Variants in MAD1L1 observed in about 807,000 individuals in gnomAD.
MAD1L1 encodes mitotic spindle assembly checkpoint protein MAD1.
A neutral mutation model predicts 96.9 loss-of-function variants in MAD1L1; 95 were observed. The ratio of observed to expected loss-of-function variants is 0.98; its 90% CI spans 0.83 to 1.16. The LOEUF is 1.16. Among genes scored for constraint, MAD1L1 ranks in the 50% most tolerant of loss-of-function variants. The pLI, the probability that MAD1L1 is intolerant of heterozygous loss-of-function variation, is 0.00. For missense variants in MAD1L1, 1,007 were observed against 954.4 expected (o/e 1.06, Z -0.73); for synonymous variants, 473 against 396.6 (o/e 1.19, Z -2.29).
chr7:2,168,959 G>A (rs1190403009), intron 10 of MAD1L1, among the ~76,000 whole-genome samples: 1 of 152,262 alleles, frequency 6.6e-6, no homozygotes, highest in East Asian at 1.9e-4. Flanking sequence ...CGGACTTGCT[G>A]ATGGGCTCTT....
chr7:2,033,277 A>C (rs1354736844), intron 12 of MAD1L1, among the ~76,000 whole-genome samples: 1 of 152,200 alleles, frequency 6.6e-6, no homozygotes, highest in African/African-American at 2.4e-5. Flanking sequence ...GCGGAGCCCC[A>C]GTTTGAACCA....
intron 18 of MAD1L1, among the ~76,000 whole-genome samples, chr7:1,828,325 T>C (rs1782534141): frequency 6.6e-6 from 1 of 151,060 alleles, no homozygotes; most frequent in Non-Finnish European, 1.5e-5. Context: ...GGGACCCGAG[T>C]TGAGGGACAG....
At chr7:2,221,401 T>C (rs367579677) in intron 5 of MAD1L1, among the ~76,000 whole-genome samples, 3 of 152,112 alleles carry the variant, frequency 2.0e-5, no homozygotes, top group Admixed American at 6.5e-5. Context: ...CAGAAGCAGA[T>C]AGGGGAACAG....
At chr7:2,141,590 G>A (rs554128481) in intron 11 of MAD1L1, among the ~76,000 whole-genome samples, 1 of 152,338 alleles carries the variant, frequency 6.6e-6, no homozygotes, top group African/African-American at 2.4e-5. Flanking sequence ...CCCCAAGACA[G>A]ACGCCCGCTC....
intron 10 of MAD1L1, among the ~76,000 whole-genome samples, chr7:2,173,924 G>A (rs957780356): frequency 2.6e-5 from 4 of 152,086 alleles, no homozygotes; most frequent in East Asian, 1.9e-4. Flanking sequence ...TCAGCCCTCC[G>A]TACCCTGAGT....
chr7:1,843,620 T>G, intron 18 of MAD1L1, among the ~76,000 whole-genome samples: 1 of 152,244 alleles, frequency 6.6e-6, no homozygotes, highest in East Asian at 1.9e-4. Context: ...AAGTGCGTGC[T>G]TCCTCCTGGG....
At chr7:2,055,004 G>C (rs1784329306) in intron 12 of MAD1L1, among the ~76,000 whole-genome samples, 1 of 152,148 alleles carries the variant, frequency 6.6e-6, no homozygotes, top group Non-Finnish European at 1.5e-5. Flanking sequence ...GGGACTCAGG[G>C]ACGACGGCAG....
intron 11 of MAD1L1, among the ~76,000 whole-genome samples, chr7:2,116,580 G>GC (rs1562702978): frequency 6.7e-6 from 1 of 148,826 alleles, no homozygotes; most frequent in Non-Finnish European, 1.5e-5. Flanking sequence ...GGGGGGGGGG[G>GC]GCTCCTGTGT....
At chr7:1,996,996 G>A (rs1246734731) in intron 14 of MAD1L1, among the ~76,000 whole-genome samples, 1 of 152,182 alleles carries the variant, frequency 6.6e-6, no homozygotes, top group East Asian at 1.9e-4. Flanking sequence ...GCCACTGCGG[G>A]CCTAGCTAAT....
chr7:2,128,042 A>C (rs1788318928), intron 11 of MAD1L1, among the ~76,000 whole-genome samples: 1 of 152,130 alleles, frequency 6.6e-6, no homozygotes, highest in Non-Finnish European at 1.5e-5. Context: ...TCGATAAATA[A>C]AACGCTTTTT....
intron 16 of MAD1L1, among the ~76,000 whole-genome samples, chr7:1,949,817 G>A (rs1014803808): frequency 2.6e-5 from 4 of 152,234 alleles, no homozygotes; most frequent in African/African-American, 7.2e-5. Flanking sequence ...CACCCCGTGC[G>A]GGGCACTTGC....
At chr7:1,910,760 G>A (rs988053249) in intron 17 of MAD1L1, among the ~76,000 whole-genome samples, 5 of 152,190 alleles carry the variant, frequency 3.3e-5, no homozygotes, top group African/African-American at 4.8e-5. Flanking sequence ...GCAGGAACAC[G>A]CAGCCTCGCT....
intron 10 of MAD1L1, among the ~76,000 whole-genome samples, chr7:2,202,565 G>C (rs1281787136): frequency 6.6e-6 from 1 of 152,218 alleles, no homozygotes; most frequent in Non-Finnish European, 1.5e-5. Flanking sequence ...CCGGCATGCA[G>C]GCCCAGAAGA....
intron 10 of MAD1L1, among the ~76,000 whole-genome samples, chr7:2,198,369 C>T (rs1792102343): frequency 6.6e-6 from 1 of 152,218 alleles, no homozygotes; most frequent in Admixed American, 6.5e-5. Flanking sequence ...CTGCCAGCCA[C>T]TCACGCTCTC....
At chr7:2,116,622 G>A (rs574577750) in intron 11 of MAD1L1, among the ~76,000 whole-genome samples, 18 of 151,734 alleles carry the variant, frequency 1.2e-4, no homozygotes, top group African/African-American at 2.7e-4. Context: ...GGCGGTCAGC[G>A]GAAAAGCAGT....
rs147347238 is a variant in MAD1L1, at chr7:2,154,092, G to A, written c.987-4854C>T. Among the ~76,000 whole-genome samples the A allele has an allele frequency of 6.1e-3, 930 of 152,300 alleles. 11 individuals carry two copies. Among genetic ancestry groups the A allele is most frequent in the South Asian group, 0.031 (150 of 4,832 alleles). ...AATCACTTGAACCAGGGAGTCAGAG[G>A]TTGTAGTGAGCCAAGATGACGCCAC... On this transcript the variant is annotated intron_variant, in intron 10 of 18. Coordinates refer to ENST00000265854, the MANE Select transcript of MAD1L1 (RefSeq NM_001013836.2).
chr7:2,019,088 G>A (rs1037745745), intron 12 of MAD1L1, among the ~76,000 whole-genome samples: 54 of 152,178 alleles, frequency 3.5e-4, no homozygotes, highest in African/African-American at 1.2e-3. Context: ...GCGGGAACGT[G>A]GGGCTGCAGA....
chr7:1,843,285 A>G (rs1053051018), intron 18 of MAD1L1, among the ~76,000 whole-genome samples: 2 of 152,114 alleles, frequency 1.3e-5, no homozygotes, highest in African/African-American at 4.8e-5. Context: ...TCGGCAGTAA[A>G]TCAACTAAAC....
chr7:2,026,746 G>A (rs1332479511), intron 12 of MAD1L1, among the ~76,000 whole-genome samples: 1 of 152,160 alleles, frequency 6.6e-6, no homozygotes, highest in Non-Finnish European at 1.5e-5. Context: ...TGAGCCCAAT[G>A]ATAAGGAAAA....
Sources: allele counts gnomAD v4.1 joint callset (sites outside exome capture counted in the v4.1 genomes callset), GRCh38; gene constraint gnomAD v4.1.1; transcripts MANE v1.5; gene names NCBI Gene and HGNC (gene_info 2026-07-23, HGNC 2026-07-21).